Variants in PGAP3 observed in about 807,000 individuals in gnomAD.
PGAP3 encodes post-GPI attachment to proteins phospholipase 3.
A neutral mutation model predicts 40.3 loss-of-function variants in PGAP3; 31 were observed. The observed-to-expected ratio is 0.77, with a 90% CI of 0.58 to 1.04. The LOEUF (loss-of-function observed/expected upper bound fraction) is 1.04, where lower values mean the gene tolerates loss of function less well. Among genes scored for constraint, PGAP3 ranks in the 50% least tolerant of loss-of-function variants. PGAP3 has a pLI of 0.00. For missense variants in PGAP3, 413 were observed against 423.0 expected (o/e 0.98, Z 0.21); for synonymous variants, 191 against 184.5 (o/e 1.04, Z -0.29).
intron 3 of PGAP3, among the ~76,000 whole-genome samples, chr17:39,683,853 A>G (rs2057472212): frequency 6.6e-6 from 1 of 152,184 alleles, no homozygotes; most frequent in African/African-American, 2.4e-5. Flanking sequence ...CGCCAGGTGC[A>G]GTGACTCACA....
chr17:39,684,439 G>A (rs1009482077), intron 3 of PGAP3, among the ~76,000 whole-genome samples, 158 bp downstream of exon 3: 4 of 152,174 alleles, frequency 2.6e-5, no homozygotes, highest in African/African-American at 9.7e-5. Context: ...CACCCTCCCT[G>A]TTTTCTCCCC....
chr17:39,687,795 A>C (rs552889289), intron 1 of PGAP3, 39 bp downstream of exon 1: 2 of 1,328,842 alleles, frequency 1.5e-6, no homozygotes, highest in South Asian at 4.2e-5. Flanking sequence ...GGCGGGAGCA[A>C]GACAAATGGG....
chr17:39,688,027 G>C lies in PGAP3; in HGVS notation c.-13C>G, dbSNP rs564810973. The C allele has an allele frequency of 2.7e-5, 37 of 1,380,860 alleles. No individual in the cohort carries two copies. The highest frequency in any genetic ancestry group is 3.4e-5 in the Non-Finnish European group (36 of 1,050,856). 85.5% of individuals were successfully genotyped at this position (1,380,860 alleles called of 1,614,324 possible). A position where few individuals can be genotyped will look rare whatever the true frequency, so the allele number is the denominator to read the frequency against. ...CCAGGCCGGCCATCCTTTCTCCCTG[G>C]CTCGCCGCCGGGGGAGGAGCTTAGG... On this transcript the variant is annotated 5_prime_UTR_variant, in exon 1 of 8. Coordinates refer to ENST00000300658, the MANE Select transcript of PGAP3 (RefSeq NM_033419.5).
chr17:39,675,803 A>G (rs1012328201), intron 3 of PGAP3, among the ~76,000 whole-genome samples: 1 of 152,090 alleles, frequency 6.6e-6, no homozygotes, highest in Admixed American at 6.5e-5. Flanking sequence ...ACAGCCAGTC[A>G]GGTTCTCGGG....
At chr17:39,674,523 A>G in intron 4 of PGAP3, 94 bp downstream of exon 4, 2 of 1,340,334 alleles carry the variant, frequency 1.5e-6, no homozygotes, top group Non-Finnish European at 2.0e-6. Flanking sequence ...TGCTCCTCAG[A>G]GGGAGTTGGC....
At chr17:39,687,169 C>A (rs968783758) in intron 1 of PGAP3, among the ~76,000 whole-genome samples, 11 of 152,180 alleles carry the variant, frequency 7.2e-5, no homozygotes, top group Non-Finnish European at 8.8e-5. Flanking sequence ...GTCAAACAGG[C>A]CAGAACTGGA....
chr17:39,679,284 C>T (rs140002630), intron 3 of PGAP3, among the ~76,000 whole-genome samples: 1 of 152,292 alleles, frequency 6.6e-6, no homozygotes, highest in African/African-American at 2.4e-5. Context: ...TCACACTGGA[C>T]TGCAGGCTAC....
intron 6 of PGAP3, 71 bp from the exon 7 acceptor site, chr17:39,673,326 T>C (rs1334950446): frequency 1.3e-6 from 2 of 1,560,452 alleles, no homozygotes; most frequent in Non-Finnish European, 1.7e-6. Context: ...CCCAACTCCA[T>C]GCTCTCTGAC....
intron 3 of PGAP3, among the ~76,000 whole-genome samples, chr17:39,681,722 G>C (rs1175908525): frequency 6.6e-6 from 1 of 151,990 alleles, no homozygotes; most frequent in African/African-American, 2.4e-5. Flanking sequence ...TGGTCAGGCT[G>C]GTCTTGAACT....
intron 4 of PGAP3, 27 bp from the exon 5 acceptor site, chr17:39,674,081 A>C: frequency 1.2e-6 from 2 of 1,608,552 alleles, no homozygotes; most frequent in Non-Finnish European, 1.7e-6. Flanking sequence ...GTGGTGAGGG[A>C]CCAGCATGAG....
At chr17:39,679,102 C>A (rs147180766) in intron 3 of PGAP3, among the ~76,000 whole-genome samples, 1,885 of 152,240 alleles carry the variant, frequency 0.012, 27 homozygotes, top group Non-Finnish European at 0.02. Flanking sequence ...CCCATCACCA[C>A]GCCTGACTAA....
intron 2 of PGAP3, 98 bp downstream of exon 2, chr17:39,685,824 C>T: frequency 9.1e-7 from 1 of 1,099,138 alleles, no homozygotes; most frequent in Non-Finnish European, 1.3e-6. Context: ...ACACGCATTA[C>T]CCCATGCCTC....
In PGAP3 at chr17:39,673,255, C is replaced by A. The variant is rs537567806; in HGVS notation, c.695G>T (p.Gly232Val). The change falls in exon 7 of 8, where the codon GGC (glycine) becomes GTC (valine). Residue 232 changes from glycine (G) to valine (V), a missense_variant and splice_region_variant. Transcript: ENST00000300658. ...CAGCCACCACACCACGTTGACCAGG[C>A]CTGGGTGCCAGTGGGGGCAGGAGAG... is the stretch of plus-strand genomic sequence containing the variant. ...GYNLVANVAI[G>V]LVNVVWWLAW... 7 of 1,558,074 alleles carry A rather than the reference C, an allele frequency of 4.5e-6. No individual in the cohort carries two copies. The African/African-American group carries it at 5.5e-5, about 12-fold the overall frequency.
chr17:39,676,604 C>T (rs1247873600), intron 3 of PGAP3: 1 of 152,120 alleles, frequency 6.6e-6, no homozygotes, highest in Non-Finnish European at 1.5e-5. Context: ...GGGGGTGCTC[C>T]TCTTCTCACC....
At chr17:39,681,841 C>T (rs1295681481) in intron 3 of PGAP3, among the ~76,000 whole-genome samples, 1 of 151,864 alleles carries the variant, frequency 6.6e-6, no homozygotes, top group African/African-American at 2.4e-5. Context: ...CTGATAGGTC[C>T]CAAAACAGAC....
chr17:39,685,293 T>A (rs1469529406), intron 2 of PGAP3, among the ~76,000 whole-genome samples: 1 of 144,922 alleles, frequency 6.9e-6, no homozygotes, highest in Non-Finnish European at 1.5e-5. Context: ...CTGGCTAACA[T>A]GGTGAAACCC....
chr17:39,685,496 AAAAAAAC>A (rs759478507), intron 2 of PGAP3, among the ~76,000 whole-genome samples: 36 of 151,680 alleles, frequency 2.4e-4, no homozygotes, highest in Middle Eastern at 3.4e-3. Flanking sequence ...CATCTCAAAA[AAAAAAAC>A]AAAAAACAAA....
chr17:39,678,165 T>C (rs2057398171), intron 3 of PGAP3, among the ~76,000 whole-genome samples: 1 of 152,228 alleles, frequency 6.6e-6, no homozygotes, highest in African/African-American at 2.4e-5. Context: ...TGTCTGACCA[T>C]GGGAAGTCCT....
At chr17:39,676,801 T>C (rs1465572358) in intron 3 of PGAP3, 1 of 152,258 alleles carries the variant, frequency 6.6e-6, no homozygotes, top group Admixed American at 6.5e-5. Context: ...TAATGAGCAA[T>C]ACAAATACAG....
Sources: gnomAD v4.1 joint callset for allele counts (sites outside exome capture counted in the v4.1 genomes callset) on GRCh38, gnomAD v4.1.1 for gene constraint, MANE v1.5 for transcripts, NCBI Gene and HGNC (gene_info 2026-07-23, HGNC 2026-07-21) for gene names.